Variants in COL15A1 observed in about 807,000 individuals in gnomAD.
COL15A1 encodes collagen alpha-1(XV) chain.
COL15A1 carries 111 observed loss-of-function variants against 165.9 expected under a neutral mutation model. That is an observed-to-expected ratio of 0.67 (90% confidence interval 0.57 to 0.78). COL15A1 has a LOEUF of 0.78. Ranked by LOEUF, COL15A1 falls within the 30% of genes least tolerant of loss-of-function variation. COL15A1 has a pLI of 0.00. For missense variants in COL15A1, 1,745 were observed against 1,789.7 expected (o/e 0.98, Z 0.45); for synonymous variants, 659 against 674.8 (o/e 0.98, Z 0.36).
At chr9:99,026,086 C>G in intron 16 of COL15A1, 120 bp downstream of exon 16, 1 of 873,368 alleles carries the variant, frequency 1.1e-6, no homozygotes, top group Non-Finnish European at 1.7e-6. Context: ...CTGAAATCCC[C>G]TGCTGGCCAC....
Position 99,056,280 on chromosome 9 carries a change from C to A in COL15A1, c.3213C>A (p.Val1071=), listed in dbSNP as rs572974981. The part of the protein sequence containing the change: ...PGPAGQKGET[V]VGPQGPPGAP... ...GACAGGGCCAAAAAGGGGAGACAGT[C>A]GTTGGGCCCCAAGGACCCCCAGGTG... is the stretch of plus-strand genomic sequence containing the variant. Residue 1071 remains valine, a synonymous_variant, in exon 35 of 42, where the codon GTC becomes GTA. Coordinates refer to ENST00000375001, the MANE Select transcript of COL15A1 (RefSeq NM_001855.5). The A allele has an allele frequency of 4.3e-6, 7 of 1,614,158 alleles. No homozygotes were observed. Among genetic ancestry groups the A allele is most frequent in the South Asian group, 1.1e-5 (1 of 91,072 alleles).
chr9:99,035,829 T>G (rs1839291300), intron 19 of COL15A1, among the ~76,000 whole-genome samples: 1 of 152,154 alleles, frequency 6.6e-6, no homozygotes, highest in Admixed American at 6.5e-5. Flanking sequence ...CTGGCAGGTG[T>G]TGTCCATCTC....
intron 2 of COL15A1, among the ~76,000 whole-genome samples, chr9:98,956,970 A>G (rs1036759886): frequency 3.3e-5 from 5 of 152,224 alleles, no homozygotes; most frequent in African/African-American, 9.6e-5. Context: ...CCATCTTCCC[A>G]TGATCACCAT....
At chr9:99,056,128 C>T (rs1825716593) in intron 34 of COL15A1, 132 bp from the exon 35 acceptor site, 1 of 990,026 alleles carries the variant, frequency 1.0e-6, no homozygotes, top group South Asian at 1.4e-5. Flanking sequence ...TGAATTGTGC[C>T]CAAGATTGAG....
intron 6 of COL15A1, among the ~76,000 whole-genome samples, chr9:98,999,026 G>A (rs1838600012): frequency 6.6e-6 from 1 of 152,188 alleles, no homozygotes; most frequent in African/African-American, 2.4e-5. Context: ...ACAGGCAATC[G>A]GCTGCTTGCA....
intron 17 of COL15A1, 112 bp downstream of exon 17, chr9:99,034,696 A>G (rs919598808): frequency 2.8e-5 from 40 of 1,451,964 alleles, no homozygotes; most frequent in Non-Finnish European, 3.6e-5. Flanking sequence ...TATAAATGTC[A>G]TGGAACAGAG....
intron 36 of COL15A1, among the ~76,000 whole-genome samples, chr9:99,060,616 T>C (rs1479729775): frequency 6.6e-6 from 1 of 152,012 alleles, no homozygotes; most frequent in Admixed American, 6.5e-5. Context: ...TCGGGTGCGG[T>C]GGCTCACTCC....
intron 26 of COL15A1, among the ~76,000 whole-genome samples, chr9:99,045,827 G>A (rs1426190158): frequency 2.6e-5 from 4 of 152,198 alleles, no homozygotes; most frequent in Admixed American, 2.6e-4. Context: ...AAACATTTTG[G>A]GCTAGAGAAT....
At chr9:98,976,880 G>GA (rs1056762300) in intron 2 of COL15A1, among the ~76,000 whole-genome samples, 11 of 152,146 alleles carry the variant, frequency 7.2e-5, no homozygotes, top group African/African-American at 2.7e-4. Context: ...CCTGGTGGGG[G>GA]AATCCAAGAA....
intron 14 of COL15A1, among the ~76,000 whole-genome samples, chr9:99,024,486 A>G (rs1465423914): frequency 6.6e-6 from 1 of 152,006 alleles, no homozygotes; most frequent in Non-Finnish European, 1.5e-5. Flanking sequence ...GGGTTTCACC[A>G]TGTTAGCTGG....
chr9:99,056,016 A>G (rs1825715040), intron 34 of COL15A1, among the ~76,000 whole-genome samples: 1 of 152,198 alleles, frequency 6.6e-6, no homozygotes, highest in African/African-American at 2.4e-5. Context: ...GCTAGACTAG[A>G]TGATCTCCAA....
intron 2 of COL15A1, among the ~76,000 whole-genome samples, chr9:98,970,127 C>T (rs749452842): frequency 2.0e-5 from 3 of 151,630 alleles, no homozygotes; most frequent in Non-Finnish European, 2.9e-5. Context: ...TAAAGCACTT[C>T]GTGCCCAGGA....
At chr9:99,020,880 C>T (rs184625051) in intron 12 of COL15A1, among the ~76,000 whole-genome samples, 4 of 152,176 alleles carry the variant, frequency 2.6e-5, no homozygotes, top group Non-Finnish European at 4.4e-5. Context: ...TGGGATCTCC[C>T]GAAAGTTCTT....
chr9:98,960,314 C>T (rs567578651), intron 2 of COL15A1, among the ~76,000 whole-genome samples: 2 of 152,128 alleles, frequency 1.3e-5, no homozygotes, highest in South Asian at 2.1e-4. Context: ...GTGGGAGGAT[C>T]GCTTGAGCCC....
At chr9:99,018,117 C>T (rs1310525693) in intron 11 of COL15A1, among the ~76,000 whole-genome samples, 8 of 152,142 alleles carry the variant, frequency 5.3e-5, no homozygotes, top group Non-Finnish European at 1.2e-4. Context: ...CATAGTATCA[C>T]GATGCATCTA....
At position 99,024,886 on chromosome 9, in the gene COL15A1, C is replaced by A; in HGVS notation, c.1867C>A (p.Pro623Thr). The A allele has an allele frequency of 1.9e-6, 3 of 1,613,656 alleles. No individual in the cohort carries two copies. Among genetic ancestry groups the A allele is most frequent in the Non-Finnish European group, 2.5e-6 (3 of 1,179,758 alleles). The change falls in exon 15 of 42, where the codon CCC becomes ACC. Residue 623 changes from proline (P) to threonine (T), a missense_variant. Physicochemically the swap from Pro to Thr is conservative, Grantham distance 38 (BLOSUM62 -1). Coordinates refer to ENST00000375001, the MANE Select transcript of COL15A1 (RefSeq NM_001855.5). ...SEQLLRGPPG[P>T]PGPPGLPGIP... ...TTTGTGTTTTTAGGGTCCTCCAGGA[C>A]CCCCAGGGCCACCTGGCTTACCTGG... is the stretch of plus-strand genomic sequence containing the variant.
intron 16 of COL15A1, among the ~76,000 whole-genome samples, chr9:99,028,492 A>G (rs1469576930): frequency 6.6e-6 from 1 of 152,126 alleles, no homozygotes; most frequent in Non-Finnish European, 1.5e-5. Flanking sequence ...CTCTACTAAA[A>G]ATACAAAAAT....
chr9:98,980,160 CAA>C (rs11343445), intron 2 of COL15A1, among the ~76,000 whole-genome samples: 106 of 143,726 alleles, frequency 7.4e-4, no homozygotes, highest in Admixed American at 1.7e-3. Flanking sequence ...ACTCTTGTCT[CAA>C]AAAAAAAAAA....
chr9:99,025,984 G>A lies in COL15A1; in HGVS notation c.2043+18G>A. The stretch of plus-strand genomic sequence containing the variant: ...GGGAGAAGGTACGGGGAACACGGGA[G>A]GGTCCCACCACATGGGAGCCACCAG... On this transcript the variant is annotated intron_variant, in intron 16 of 41. Transcript: ENST00000375001. 1.2e-6 allele frequency: 2 copies of A among 1,602,176 alleles called. No homozygotes were observed. Among genetic ancestry groups the A allele is most frequent in the Non-Finnish European group, 1.7e-6 (2 of 1,174,430 alleles).
Sources: gnomAD v4.1 joint callset for allele counts (sites outside exome capture counted in the v4.1 genomes callset) on GRCh38, gnomAD v4.1.1 for gene constraint, MANE v1.5 for transcripts, NCBI Gene and HGNC (gene_info 2026-07-23, HGNC 2026-07-21) for gene names.